BTBD9: variants seen among roughly 807,000 people sequenced by gnomAD.
BTBD9 encodes BTB/POZ domain-containing protein 9.
A neutral mutation model predicts 64.3 loss-of-function variants in BTBD9; 49 were observed. The ratio of observed to expected loss-of-function variants is 0.76; its 90% CI spans 0.61 to 0.97. BTBD9 has a LOEUF of 0.97. Among genes scored for constraint, BTBD9 ranks in the 50% least tolerant of loss-of-function variants. The pLI is 0.00. For synonymous variants in BTBD9, 260 were observed against 274.7 expected (o/e 0.95, Z 0.53); for missense variants, 598 against 762.1 (o/e 0.78, Z 2.53).
chr6:38,353,900 GC>G (rs1444800819), intron 6 of BTBD9, among the ~76,000 whole-genome samples: 2 of 152,172 alleles, frequency 1.3e-5, no homozygotes, highest in African/African-American at 4.8e-5. Context: ...TAGTGTCAGG[GC>G]AAGGGAAGTT....
chr6:38,373,945 C>T (rs545941032), intron 6 of BTBD9, among the ~76,000 whole-genome samples: 1 of 152,094 alleles, frequency 6.6e-6, no homozygotes, highest in African/African-American at 2.4e-5. Flanking sequence ...TGCTTCCATG[C>T]CTAGCATCTT....
chr6:38,276,257 C>A (rs1053564723), intron 8 of BTBD9, among the ~76,000 whole-genome samples: 7 of 151,302 alleles, frequency 4.6e-5, no homozygotes, highest in Admixed American at 6.6e-5. Context: ...GGACAAAAAA[C>A]CAAACACCGC....
intron 6 of BTBD9, among the ~76,000 whole-genome samples, chr6:38,425,507 T>C (rs1396362297): frequency 6.6e-6 from 1 of 151,908 alleles, no homozygotes; most frequent in Non-Finnish European, 1.5e-5. Context: ...AGAGGAATTA[T>C]GTGGGATTCA....
chr6:38,626,418 CTTGT>C (rs200008762), intron 1 of BTBD9, among the ~76,000 whole-genome samples: 3 of 151,906 alleles, frequency 2.0e-5, no homozygotes, highest in African/African-American at 7.2e-5. Flanking sequence ...TTCTTTTTTG[CTTGT>C]TTGTTTGTTT....
chr6:38,357,923 A>G (rs1355285646), intron 6 of BTBD9, among the ~76,000 whole-genome samples: 2 of 152,156 alleles, frequency 1.3e-5, no homozygotes, highest in African/African-American at 4.8e-5. Flanking sequence ...TTTTTCACTA[A>G]TTAAATTCCA....
At chr6:38,223,644 T>C (rs753329366) in intron 9 of BTBD9, among the ~76,000 whole-genome samples, 1 of 152,180 alleles carries the variant, frequency 6.6e-6, no homozygotes, top group Admixed American at 6.6e-5. Flanking sequence ...GCCAGAGTTC[T>C]GAATTTAACA....
Position 38,627,480 on chromosome 6 carries a change from GA to G in BTBD9, c.-28+12319del, listed in dbSNP as rs745681440. ...AGCATGTTTCTGAATAGATATGCAA[GA>G]AACTTTATTATTTTCAATCTCCCCC... On this transcript the variant is annotated intron_variant, in intron 1 of 10. Coordinates refer to ENST00000481247, the MANE Select transcript of BTBD9 (RefSeq NM_001099272.2). 1.1e-3 allele frequency among the ~76,000 whole-genome samples: 173 copies of G among 152,228 alleles called. 1 individual carries two copies. The highest frequency in any genetic ancestry group is 1.9e-3 in the South Asian group (9 of 4,820).
rs1217018105 is a variant in BTBD9 at position 38,302,034 on chromosome 6, A to G, written c.1265-13573T>C. On this transcript the variant is annotated intron_variant, in intron 7 of 10. Transcript: ENST00000481247. ...TTCCCTCTACACATTTATGGGGTAA[A>G]GTATGATGTTTCGATACGTGTATAC... Among the ~76,000 whole-genome samples the G allele has an allele frequency of 2.0e-5, 3 of 152,148 alleles. No homozygotes were observed. The East Asian group carries it at 5.8e-4, about 29-fold the overall frequency.
At chr6:38,192,379 T>C in intron 10 of BTBD9, 140 bp downstream of exon 10, 1 of 715,966 alleles carries the variant, frequency 1.4e-6, no homozygotes, top group South Asian at 1.7e-5. Flanking sequence ...ACTGTGCAAC[T>C]GCAGGACTTT....
intron 9 of BTBD9, among the ~76,000 whole-genome samples, chr6:38,227,833 C>T (rs1416168699): frequency 6.6e-6 from 1 of 152,170 alleles, no homozygotes; most frequent in Non-Finnish European, 1.5e-5. Context: ...GCAATGGGCA[C>T]TTCTGGAATG....
intron 6 of BTBD9, among the ~76,000 whole-genome samples, chr6:38,552,230 C>A (rs992182260): frequency 8.5e-5 from 13 of 152,130 alleles, no homozygotes; most frequent in Admixed American, 8.5e-4. Context: ...TTCAGGCCAA[C>A]AACACAGTAT....
Position 38,288,416 on chromosome 6 carries a change from A to G in BTBD9, c.1310T>C (p.Ile437Thr). The change falls in exon 8 of 11, where the codon ATT becomes ACT. Residue 437 changes from isoleucine (I) to threonine (T), a missense_variant. Ile to Thr is a moderately conservative substitution (Grantham distance 89, BLOSUM62 -1). Transcript: ENST00000481247. ...ATTTCGGCTCCGACTGACTCCTTCA[A>G]TCACACTGGCACAATCAGCAATTGT... ...VATIADCASV[I>T]EGVSRSRNAL... The G allele has an allele frequency of 6.2e-7, 1 of 1,614,042 alleles. No homozygotes were observed. Among genetic ancestry groups the G allele is most frequent in the Non-Finnish European group, 8.5e-7 (1 of 1,179,956 alleles).
chr6:38,271,733 G>T (rs1027672479), intron 8 of BTBD9, among the ~76,000 whole-genome samples: 1 of 152,110 alleles, frequency 6.6e-6, no homozygotes, highest in African/African-American at 2.4e-5. Context: ...GAGTTATGGC[G>T]CCAAGGTAAG....
Position 38,171,566 on chromosome 6 carries a change from GT to G in BTBD9, c.*3418del, listed in dbSNP as rs1197996579. Reference sequence around the variant, plus strand: ...AAAATGGTAAAACGGGTGTGTGTGTGTGTGTGTGTGTGTGTGTGTGTGTGTG... The same window carrying G: ...AAAATGGTAAAACGGGTGTGTGTGTGGTGTGTGTGTGTGTGTGTGTGTGTG... On this transcript the variant is annotated 3_prime_UTR_variant, in exon 11 of 11. Coordinates refer to ENST00000481247, the MANE Select transcript of BTBD9 (RefSeq NM_001099272.2). 1.8e-4 allele frequency: 3 copies of G among 17,136 alleles called. No homozygotes were observed. Among genetic ancestry groups the G allele is most frequent in the African/African-American group, 4.9e-4 (3 of 6,172 alleles). The allele number at this position is 17,136 out of a possible 1,614,324, so 1.1% of individuals were successfully genotyped here.
chr6:38,222,155 A>G (rs566078285), intron 9 of BTBD9, among the ~76,000 whole-genome samples: 72 of 152,086 alleles, frequency 4.7e-4, no homozygotes, highest in Non-Finnish European at 8.4e-4. Context: ...ACACTGGAAT[A>G]TAAGATTTGT....
intron 7 of BTBD9, among the ~76,000 whole-genome samples, chr6:38,325,131 T>TA: frequency 6.6e-6 from 1 of 151,978 alleles, no homozygotes; most frequent in Non-Finnish European, 1.5e-5. Context: ...TGAGAAAGTA[T>TA]AAAAAAGAAT....
chr6:38,168,541 T>C lies in BTBD9; in HGVS notation c.*6444A>G, dbSNP rs1766613063. On this transcript the variant is annotated 3_prime_UTR_variant, in exon 11 of 11. Transcript: ENST00000481247. ...GTTTCGAACACACGGTTTGTACATC[T>C]GCCCGCTTAGGTTGCTCTGCAAAAT... 6.6e-6 allele frequency: 1 copy of C among 152,320 alleles called. No homozygotes were observed. The allele number at this position is 152,320 out of a possible 1,614,324, so 9.4% of individuals were successfully genotyped here.
At chr6:38,525,780 T>C (rs1365722626) in intron 6 of BTBD9, among the ~76,000 whole-genome samples, 1 of 152,208 alleles carries the variant, frequency 6.6e-6, no homozygotes, top group Non-Finnish European at 1.5e-5. Flanking sequence ...AGATGATTTC[T>C]TCTGGAGGAA....
intron 6 of BTBD9, among the ~76,000 whole-genome samples, chr6:38,409,849 AAAAT>A (rs1382546418): frequency 2.0e-5 from 3 of 151,878 alleles, no homozygotes; most frequent in Non-Finnish European, 4.4e-5. Flanking sequence ...AAATAATAAT[AAAAT>A]AAATAAAATA....
Sources: allele counts gnomAD v4.1 joint callset (sites outside exome capture counted in the v4.1 genomes callset), GRCh38; gene constraint gnomAD v4.1.1; transcripts MANE v1.5; gene names NCBI Gene and HGNC (gene_info 2026-07-23, HGNC 2026-07-21).